The following DLGAP2 variants were observed in gnomAD, a reference collection of about 807,000 sequenced individuals.
The protein encoded by DLGAP2 is disks large-associated protein 2.
Under a neutral mutation model 100.3 loss-of-function variants are expected in DLGAP2, and 26 were observed. The observed-to-expected ratio is 0.26, with a 90% confidence interval of 0.19 to 0.36. DLGAP2 has a LOEUF of 0.36. Ranked by LOEUF, DLGAP2 falls within the 10% of genes least tolerant of loss-of-function variation. The probability of loss-of-function intolerance (pLI) is 1.00; values close to 1 mark genes in which losing one functional copy is unlikely to be tolerated. For synonymous variants in DLGAP2, 886 were observed against 630.1 expected (o/e 1.41, Z -6.08); for missense variants, 1,858 against 1,453.2 (o/e 1.28, Z -4.53).
chr8:1,617,401 T>G (rs937012996), intron 6 of DLGAP2, among the ~76,000 whole-genome samples: 1 of 152,238 alleles, frequency 6.6e-6, no homozygotes, highest in African/African-American at 2.4e-5. Flanking sequence ...GTTTGTCCAC[T>G]TTTTAGTAAT....
intron 5 of DLGAP2, among the ~76,000 whole-genome samples, chr8:1,555,519 C>A (rs73671204): frequency 0.013 from 2,029 of 152,322 alleles, 55 homozygotes; most frequent in African/African-American, 0.042. Flanking sequence ...ACCTTGAGTA[C>A]CGTCACACAG....
chr8:848,849 T>C (rs1797120534), intron 1 of DLGAP2, among the ~76,000 whole-genome samples: 2 of 150,782 alleles, frequency 1.3e-5, no homozygotes, highest in South Asian at 4.2e-4. Flanking sequence ...TTGTGATGTG[T>C]GTTCCAGCAT....
intron 5 of DLGAP2, among the ~76,000 whole-genome samples, chr8:1,564,936 A>C (rs1802336640): frequency 6.6e-6 from 1 of 151,932 alleles, no homozygotes; most frequent in Non-Finnish European, 1.5e-5. Context: ...GCTGAGTTCC[A>C]TACCACACAG....
chr8:923,041 G>A (rs2129001800), intron 2 of DLGAP2, among the ~76,000 whole-genome samples: 1 of 152,184 alleles, frequency 6.6e-6, no homozygotes, highest in East Asian at 1.9e-4. Context: ...GGTGTGTGTT[G>A]ATTTTGCTAC....
At chr8:1,115,160 A>G (rs540279165) in intron 2 of DLGAP2, among the ~76,000 whole-genome samples, 1 of 152,328 alleles carries the variant, frequency 6.6e-6, no homozygotes, top group African/African-American at 2.4e-5. Context: ...AAGAATGTGC[A>G]TTCTGTTGTT....
intron 2 of DLGAP2, among the ~76,000 whole-genome samples, chr8:933,407 G>A (rs1799004064): frequency 6.8e-6 from 1 of 148,110 alleles, no homozygotes; most frequent in Non-Finnish European, 1.5e-5. Context: ...GCACGAGGGT[G>A]AGGGCAGAGC....
intron 2 of DLGAP2, chr8:1,018,918 A>G (rs1053474956): frequency 6.6e-6 from 1 of 152,186 alleles, no homozygotes; most frequent in African/African-American, 2.4e-5. Flanking sequence ...GCAGTTGCTC[A>G]AGAGCATTAG....
chr8:1,224,328 A>G (rs1057254413), intron 2 of DLGAP2, among the ~76,000 whole-genome samples: 1 of 152,242 alleles, frequency 6.6e-6, no homozygotes, highest in Non-Finnish European at 1.5e-5. Flanking sequence ...AACTACCGTC[A>G]AGTAGGAAAA....
At chr8:1,329,406 G>A (rs1290027243) in intron 3 of DLGAP2, among the ~76,000 whole-genome samples, 2 of 152,142 alleles carry the variant, frequency 1.3e-5, no homozygotes, top group African/African-American at 4.8e-5. Context: ...GTTAGATTCA[G>A]CTAGATCCGT....
chr8:769,660 A>G (rs1028331633), intron 1 of DLGAP2, among the ~76,000 whole-genome samples: 3 of 152,090 alleles, frequency 2.0e-5, no homozygotes, highest in Non-Finnish European at 4.4e-5. Flanking sequence ...GGTGATGCTT[A>G]TGTGTTTGCA....
At chr8:1,379,140 C>A (rs961970665) in intron 3 of DLGAP2, among the ~76,000 whole-genome samples, 1 of 152,294 alleles carries the variant, frequency 6.6e-6, no homozygotes, top group African/African-American at 2.4e-5. Context: ...GCCAGTTCTT[C>A]CCTGAGCCCT....
At chr8:913,237 G>A (rs917178971) in intron 2 of DLGAP2, among the ~76,000 whole-genome samples, 1 of 152,176 alleles carries the variant, frequency 6.6e-6, no homozygotes, top group African/African-American at 2.4e-5. Flanking sequence ...GCACTTTGGA[G>A]GTTTAGTTCA....
intron 3 of DLGAP2, among the ~76,000 whole-genome samples, chr8:1,494,782 C>A (rs1006562933): frequency 1.3e-5 from 2 of 152,056 alleles, no homozygotes; most frequent in Admixed American, 1.3e-4. Flanking sequence ...GCAGCCTCCC[C>A]CAAACAGACA....
intron 8 of DLGAP2, 149 bp downstream of exon 8, chr8:1,633,195 C>G (rs1179921156): frequency 2.8e-6 from 2 of 714,780 alleles, no homozygotes; most frequent in Non-Finnish European, 4.5e-6. Context: ...GTTACACTGT[C>G]ACATTCGCAA....
intron 7 of DLGAP2, among the ~76,000 whole-genome samples, chr8:1,629,089 G>T (rs1339368474): frequency 6.6e-6 from 1 of 152,206 alleles, no homozygotes; most frequent in Admixed American, 6.5e-5. Flanking sequence ...TAGCTTGCCT[G>T]GGGCTCAGTA....
intron 2 of DLGAP2, among the ~76,000 whole-genome samples, chr8:1,234,865 C>T (rs1798609679): frequency 6.6e-6 from 1 of 152,204 alleles, no homozygotes; most frequent in Non-Finnish European, 1.5e-5. Flanking sequence ...CAACACTTAA[C>T]TGTCACAGCG....
intron 2 of DLGAP2, among the ~76,000 whole-genome samples, chr8:1,059,617 T>C (rs1285353400): frequency 6.6e-6 from 1 of 152,152 alleles, no homozygotes. Context: ...TCTGGTTTGC[T>C]CCCTCCTGTG....
intron 3 of DLGAP2, among the ~76,000 whole-genome samples, chr8:1,303,140 G>A (rs1393476122): frequency 2.0e-5 from 3 of 152,196 alleles, no homozygotes; most frequent in Non-Finnish European, 2.9e-5. Flanking sequence ...GCTCACGCCT[G>A]TAATCCCAGC....
chr8:761,437 C>G (rs866458520), intron 1 of DLGAP2, among the ~76,000 whole-genome samples: 1 of 152,238 alleles, frequency 6.6e-6, no homozygotes, highest in Non-Finnish European at 1.5e-5. Flanking sequence ...AACTCTCTAA[C>G]GTTATTCACG....
Sources: gnomAD v4.1 joint callset for allele counts (sites outside exome capture counted in the v4.1 genomes callset) on GRCh38, gnomAD v4.1.1 for gene constraint, MANE v1.5 for transcripts, NCBI Gene and HGNC (gene_info 2026-07-23, HGNC 2026-07-21) for gene names.